The following TLK2 variants were observed in gnomAD, a reference collection of about 807,000 sequenced individuals.
The protein encoded by TLK2 is serine/threonine-protein kinase tousled-like 2.
Under a neutral mutation model 117.3 loss-of-function variants are expected in TLK2, and 6 were observed. The observed-to-expected ratio is 0.05, with a 90% CI of 0.03 to 0.10. TLK2 has a LOEUF of 0.10. TLK2 is among the 10% of genes least tolerant of loss of function. The pLI, the probability that TLK2 is intolerant of heterozygous loss-of-function variation, is 1.00. For missense variants in TLK2, 299 were observed against 901.2 expected (o/e 0.33, Z 8.56); for synonymous variants, 257 against 316.7 (o/e 0.81, Z 2.00).
chr17:62,514,465 A>T (rs1313755295), intron 2 of TLK2, among the ~76,000 whole-genome samples: 1 of 151,734 alleles, frequency 6.6e-6, no homozygotes, highest in Non-Finnish European at 1.5e-5. Context: ...AAAAAAAAAA[A>T]TTTGGATAAA....
intron 6 of TLK2, among the ~76,000 whole-genome samples, chr17:62,534,974 C>T (rs1207027873): frequency 7.0e-6 from 1 of 142,060 alleles, no homozygotes; most frequent in East Asian, 2.1e-4. Context: ...CTGCAACTTC[C>T]GCCTCCTGGG....
At position 62,600,831 on chromosome 17, in the gene TLK2, CTT is replaced by C. The variant is rs780956537; in HGVS notation, c.1720+14_1720+15del. The C allele has an allele frequency of 2.5e-6, 4 of 1,590,252 alleles. No homozygotes were observed. The highest frequency in any genetic ancestry group is 3.4e-6 in the Non-Finnish European group (4 of 1,171,494). On this transcript the variant is annotated intron_variant, in intron 18 of 21. Coordinates refer to ENST00000346027, the MANE Select transcript of TLK2 (RefSeq NM_006852.6). ...ATGACCTCAAACCAGGTATGTCTAA[CTT>C]TTAGGAGACAGTATTAGTGGGTTTT...
chr17:62,522,472 A>G (rs953378427), intron 4 of TLK2, among the ~76,000 whole-genome samples, 199 bp downstream of exon 4: 4 of 151,966 alleles, frequency 2.6e-5, no homozygotes, highest in African/African-American at 9.7e-5. Flanking sequence ...TTCTTCGGGG[A>G]CTCTTTTGTT....
At chr17:62,535,666 G>T (rs2077060884) in intron 6 of TLK2, among the ~76,000 whole-genome samples, 1 of 152,054 alleles carries the variant, frequency 6.6e-6, no homozygotes, top group African/African-American at 2.4e-5. Context: ...CTACTTGGGA[G>T]GCTGAGACAG....
intron 12 of TLK2, among the ~76,000 whole-genome samples, chr17:62,574,809 C>T (rs969552540): frequency 6.6e-6 from 1 of 152,140 alleles, no homozygotes; most frequent in South Asian, 2.1e-4. Flanking sequence ...AGCTACTGCA[C>T]CCAGCCCAAA....
chr17:62,523,534 C>G (rs537833324), intron 5 of TLK2, among the ~76,000 whole-genome samples: 9 of 152,310 alleles, frequency 5.9e-5, no homozygotes, highest in African/African-American at 1.9e-4. Context: ...GAGCCATGAT[C>G]TACTGCACTC....
intron 2 of TLK2, among the ~76,000 whole-genome samples, chr17:62,485,047 C>T (rs913166581): frequency 4.6e-5 from 7 of 151,906 alleles, no homozygotes; most frequent in Non-Finnish European, 1.0e-4. Context: ...CAAAACAAAA[C>T]AAAAAAAGAA....
At chr17:62,474,268 C>T (rs753468928), upstream of TLK2, among the ~76,000 whole-genome samples, 53 of 151,420 alleles carry the variant, frequency 3.5e-4, no homozygotes, top group South Asian at 1.0e-3. Context: ...TTAGTAGAGA[C>T]GGGGTTTCAC....
chr17:62,561,116 A>G (rs1416846772), intron 10 of TLK2, among the ~76,000 whole-genome samples: 2 of 152,102 alleles, frequency 1.3e-5, no homozygotes, highest in East Asian at 3.9e-4. Flanking sequence ...GCTGAGAATG[A>G]TGGTTTCCAG....
intron 11 of TLK2, among the ~76,000 whole-genome samples, chr17:62,568,688 G>A (rs2080008350): frequency 6.6e-6 from 1 of 151,752 alleles, no homozygotes; most frequent in African/African-American, 2.4e-5. Flanking sequence ...GAGTTCAAGT[G>A]ATTCTCCTGC....
At position 62,580,092 on chromosome 17, in the gene TLK2, A is replaced by C; in HGVS notation, c.1287-19A>C. On this transcript the variant is annotated intron_variant, in intron 14 of 21. Coordinates refer to ENST00000346027, the MANE Select transcript of TLK2 (RefSeq NM_006852.6). ...GTAGTCCATGATCTCAGGGTGTTAC[A>C]TGTTCCCTGTTTCCACAGATTTAAA... 1 of 1,608,214 alleles carries C rather than the reference A, an allele frequency of 6.2e-7. No homozygotes were observed. Among genetic ancestry groups the C allele is most frequent in the Non-Finnish European group, 8.5e-7 (1 of 1,175,918 alleles).
At chr17:62,504,485 T>C (rs1163622727) in intron 2 of TLK2, among the ~76,000 whole-genome samples, 1 of 152,086 alleles carries the variant, frequency 6.6e-6, no homozygotes, top group Non-Finnish European at 1.5e-5. Context: ...GTGTTCCTAG[T>C]CAGGAGGAAA....
intron 6 of TLK2, among the ~76,000 whole-genome samples, chr17:62,526,041 G>A (rs1326071188): frequency 6.6e-6 from 1 of 152,150 alleles, no homozygotes; most frequent in Non-Finnish European, 1.5e-5. Flanking sequence ...AGTTTAGGTT[G>A]AATCTTACCT....
chr17:62,505,873 T>C (rs1170925205), intron 2 of TLK2, among the ~76,000 whole-genome samples: 1 of 152,144 alleles, frequency 6.6e-6, no homozygotes, highest in African/African-American at 2.4e-5. Flanking sequence ...TTATTTTTTT[T>C]GTAGAGATGG....
intron 2 of TLK2, among the ~76,000 whole-genome samples, chr17:62,512,861 AATTATT>A (rs35048188): frequency 1.0e-3 from 144 of 141,154 alleles, no homozygotes; most frequent in Middle Eastern, 3.6e-3. Context: ...AAAATTTATT[AATTATT>A]ATTATTATTA....
chr17:62,546,987 A>G (rs1293293939), intron 7 of TLK2, among the ~76,000 whole-genome samples: 8 of 152,092 alleles, frequency 5.3e-5, no homozygotes, highest in African/African-American at 1.9e-4. Flanking sequence ...CAATTTGATT[A>G]TTCATGTTCT....
At chr17:62,584,107 GTTTTTTTTTTTT>G (rs572000997) in intron 15 of TLK2, among the ~76,000 whole-genome samples, 2 of 78,524 alleles carry the variant, frequency 2.5e-5, no homozygotes, top group Non-Finnish European at 4.5e-5. Context: ...TTCTTTTGTG[GTTTTTTTTTTTT>G]TTTTTTTTTT....
At chr17:62,553,792 C>T (rs569053072) in intron 9 of TLK2, 37 bp downstream of exon 9, 12 of 1,289,000 alleles carry the variant, frequency 9.3e-6, no homozygotes, top group African/African-American at 2.9e-5. Flanking sequence ...ATAGCAAGCA[C>T]CATTTGTTAT....
intron 2 of TLK2, among the ~76,000 whole-genome samples, chr17:62,483,280 G>GT (rs892680501): frequency 6.7e-6 from 1 of 150,320 alleles, no homozygotes; most frequent in Admixed American, 6.7e-5. Context: ...TTGTTGTTCT[G>GT]TTTTTAGGTT....
Sources: gnomAD v4.1 joint callset for allele counts (sites outside exome capture counted in the v4.1 genomes callset) on GRCh38, gnomAD v4.1.1 for gene constraint, MANE v1.5 for transcripts, NCBI Gene and HGNC (gene_info 2026-07-23, HGNC 2026-07-21) for gene names.